Variants in LMX1A observed in about 807,000 individuals in gnomAD.
LMX1A encodes the protein LIM homeobox transcription factor 1 alpha.
LMX1A carries 15 observed loss-of-function variants against 49.1 expected under a neutral mutation model. The ratio of observed to expected loss-of-function variants is 0.31; its 90% CI spans 0.20 to 0.47. The LOEUF is 0.47. LMX1A is among the 20% of genes least tolerant of loss of function. LMX1A has a pLI of 1.00. For missense variants in LMX1A, 372 were observed against 475.8 expected (o/e 0.78, Z 2.03); for synonymous variants, 167 against 185.7 (o/e 0.90, Z 0.82).
At chr1:165,330,923 T>C (rs1039796015) in intron 3 of LMX1A, among the ~76,000 whole-genome samples, 6 of 152,206 alleles carry the variant, frequency 3.9e-5, no homozygotes, top group Non-Finnish European at 8.8e-5. Flanking sequence ...GATCAAAGAA[T>C]TGAACTGAGA....
At chr1:165,344,209 T>C (rs1322000586) in intron 3 of LMX1A, among the ~76,000 whole-genome samples, 1 of 152,214 alleles carries the variant, frequency 6.6e-6, no homozygotes, top group Non-Finnish European at 1.5e-5. Context: ...GAGAGGAGTC[T>C]CCTGGGATGT....
At chr1:165,212,652 A>T (rs1424356745) in intron 5 of LMX1A, among the ~76,000 whole-genome samples, 1 of 152,188 alleles carries the variant, frequency 6.6e-6, no homozygotes, top group African/African-American at 2.4e-5. Flanking sequence ...TTATCATGTA[A>T]AAGATAGTAC....
At position 165,203,806 on chromosome 1, in the gene LMX1A, C is replaced by A; in HGVS notation, c.*74G>T. The A allele has an allele frequency of 6.7e-7, 1 of 1,499,434 alleles. No individual in the cohort carries two copies. Among genetic ancestry groups the A allele is most frequent in the Non-Finnish European group, 9.2e-7 (1 of 1,085,282 alleles). 92.9% of individuals were successfully genotyped at this position (1,499,434 alleles called of 1,614,324 possible). A position where few individuals can be genotyped will look rare whatever the true frequency, so the allele number is the denominator to read the frequency against. On this transcript the variant is annotated 3_prime_UTR_variant, in exon 9 of 9. Coordinates refer to ENST00000342310, the MANE Select transcript of LMX1A (RefSeq NM_177398.4). ...CCCACCTCTTCCCTGGCCTCCCTGT[C>A]CTAAAGCCAGTGACCCCTCAAAGAA... is the stretch of plus-strand genomic sequence containing the variant.
At chr1:165,275,907 T>G (rs79075385) in intron 3 of LMX1A, among the ~76,000 whole-genome samples, 2 of 144,128 alleles carry the variant, frequency 1.4e-5, no homozygotes, top group African/African-American at 5.1e-5. Flanking sequence ...CCCTGTGAGT[T>G]TGAACACCAG....
chr1:165,224,778 C>G (rs1475421305), intron 4 of LMX1A, among the ~76,000 whole-genome samples: 6 of 152,222 alleles, frequency 3.9e-5, no homozygotes, highest in Non-Finnish European at 8.8e-5. Flanking sequence ...TTTCACAAAT[C>G]AATTCACCAA....
At chr1:165,221,767 C>A (rs973448543) in intron 4 of LMX1A, among the ~76,000 whole-genome samples, 1 of 152,190 alleles carries the variant, frequency 6.6e-6, no homozygotes, top group African/African-American at 2.4e-5. Context: ...TGAAGGGAAA[C>A]CTTGTGCTTG....
intron 3 of LMX1A, among the ~76,000 whole-genome samples, chr1:165,337,249 C>G (rs1392539891): frequency 6.6e-6 from 1 of 152,074 alleles, no homozygotes; most frequent in Non-Finnish European, 1.5e-5. Flanking sequence ...AAATCTTACT[C>G]TAAACATAAC....
At chr1:165,212,063 A>G (rs1385537066) in intron 5 of LMX1A, among the ~76,000 whole-genome samples, 2 of 152,230 alleles carry the variant, frequency 1.3e-5, no homozygotes, top group Admixed American at 1.3e-4. Flanking sequence ...GGGGCATTTT[A>G]CTTTCTACTG....
intron 3 of LMX1A, among the ~76,000 whole-genome samples, chr1:165,290,684 T>C (rs1654443742): frequency 6.6e-6 from 1 of 152,214 alleles, no homozygotes; most frequent in Admixed American, 6.5e-5. Flanking sequence ...AAGACCCTAT[T>C]GTACTCCCAA....
At chr1:165,304,192 T>C (rs939909802) in intron 3 of LMX1A, among the ~76,000 whole-genome samples, 3 of 152,062 alleles carry the variant, frequency 2.0e-5, no homozygotes, top group African/African-American at 7.2e-5. Context: ...TCCTCATCTA[T>C]AAAGTGGGAA....
intron 3 of LMX1A, among the ~76,000 whole-genome samples, chr1:165,270,282 G>A (rs1653756395): frequency 6.6e-6 from 1 of 152,100 alleles, no homozygotes; most frequent in South Asian, 2.1e-4. Flanking sequence ...GCCCTCAAGA[G>A]TCAGCTCAAG....
intron 5 of LMX1A, chr1:165,212,886 G>C (rs945775615): frequency 2.0e-5 from 3 of 152,188 alleles, no homozygotes; most frequent in African/African-American, 7.2e-5. Flanking sequence ...CATATGAGGA[G>C]AAATGATTTG....
intron 4 of LMX1A, among the ~76,000 whole-genome samples, chr1:165,225,216 G>C (rs1651991173): frequency 6.6e-6 from 1 of 152,214 alleles, no homozygotes; most frequent in Non-Finnish European, 1.5e-5. Flanking sequence ...AGACTGGGCG[G>C]CTTCCCAGCT....
chr1:165,230,172 C>G (rs1431581624), intron 4 of LMX1A, among the ~76,000 whole-genome samples: 1 of 152,182 alleles, frequency 6.6e-6, no homozygotes. Flanking sequence ...CTTCCAGCGA[C>G]AAGAATTCTG....
intron 3 of LMX1A, among the ~76,000 whole-genome samples, chr1:165,324,001 C>A (rs1259151250): frequency 6.6e-6 from 1 of 152,178 alleles, no homozygotes; most frequent in Non-Finnish European, 1.5e-5. Flanking sequence ...AAAGATAGAG[C>A]AAAATTAACC....
chr1:165,227,570 T>C (rs1291056808), intron 4 of LMX1A, among the ~76,000 whole-genome samples: 2 of 151,842 alleles, frequency 1.3e-5, no homozygotes, highest in African/African-American at 2.4e-5. Flanking sequence ...CATACATACA[T>C]ACATACAATG....
chr1:165,321,016 TAAAC>T (rs1204390484), intron 3 of LMX1A, among the ~76,000 whole-genome samples: 1 of 152,098 alleles, frequency 6.6e-6, no homozygotes, highest in Admixed American at 6.5e-5. Context: ...AGCTGAATGA[TAAAC>T]AAAATGTGGT....
chr1:165,301,768 C>A (rs1391984210), intron 3 of LMX1A, among the ~76,000 whole-genome samples: 1 of 152,156 alleles, frequency 6.6e-6, no homozygotes, highest in Non-Finnish European at 1.5e-5. Flanking sequence ...AATGAAAGAA[C>A]AAACTGGTTC....
At chr1:165,267,247 A>G (rs987606647) in intron 3 of LMX1A, among the ~76,000 whole-genome samples, 5 of 152,200 alleles carry the variant, frequency 3.3e-5, no homozygotes, top group African/African-American at 7.2e-5. Context: ...ACATATAATC[A>G]TATAATATGT....
Sources: gnomAD v4.1 joint callset for allele counts (sites outside exome capture counted in the v4.1 genomes callset) on GRCh38, gnomAD v4.1.1 for gene constraint, MANE v1.5 for transcripts, NCBI Gene and HGNC (gene_info 2026-07-23, HGNC 2026-07-21) for gene names.